RGS7: variants seen among roughly 807,000 people sequenced by gnomAD.
RGS7 encodes the protein regulator of G-protein signaling 7.
Under a neutral mutation model 81.1 loss-of-function variants are expected in RGS7, and 27 were observed. That is an observed-to-expected ratio of 0.33 (90% CI 0.25 to 0.46). The LOEUF (loss-of-function observed/expected upper bound fraction) is 0.46, where lower values mean the gene tolerates loss of function less well. Among genes scored for constraint, RGS7 ranks in the 20% least tolerant of loss-of-function variants. The pLI is 1.00. For synonymous variants in RGS7, 208 were observed against 207.7 expected, an observed-to-expected ratio of 1.00 and a Z score of -0.01; for missense variants, 396 against 607.4, an observed-to-expected ratio of 0.65 and a Z score of 3.66.
intron 2 of RGS7, among the ~76,000 whole-genome samples, chr1:241,117,760 A>T (rs901447878): frequency 6.6e-6 from 1 of 152,204 alleles, no homozygotes; most frequent in African/African-American, 2.4e-5. Flanking sequence ...GCTGCAATAT[A>T]TTTCTTATCG....
intron 2 of RGS7, among the ~76,000 whole-genome samples, chr1:241,115,410 T>C (rs1014408550): frequency 1.3e-5 from 2 of 152,210 alleles, no homozygotes; most frequent in African/African-American, 2.4e-5. Flanking sequence ...TTAAGAGCCA[T>C]GGGTATAAAA....
In RGS7 at chr1:240,908,613, T is replaced by C. The variant is rs189802915; in HGVS notation, c.385+22104A>G. ...CACTCCCTCCCTGCCAGGTAAAAGC[T>C]CCACCTAAGATAGAAGGCAACCCAG... On this transcript the variant is annotated intron_variant, in intron 6 of 18. Coordinates refer to ENST00000440928, the MANE Select transcript of RGS7 (RefSeq NM_001364886.1). Among the ~76,000 whole-genome samples the C allele has an allele frequency of 3.8e-3, 578 of 152,228 alleles. 4 individuals are homozygous for C. Among genetic ancestry groups the C allele is most frequent in the African/African-American group, 0.013 (557 of 41,542 alleles).
intron 4 of RGS7, among the ~76,000 whole-genome samples, chr1:240,947,740 G>A (rs1262154816): frequency 6.6e-6 from 1 of 152,108 alleles, no homozygotes; most frequent in Non-Finnish European, 1.5e-5. Context: ...ACATATATTA[G>A]ATCAAGTCGC....
chr1:240,924,708 T>A (rs540287024), intron 6 of RGS7, among the ~76,000 whole-genome samples: 1 of 152,166 alleles, frequency 6.6e-6, no homozygotes, highest in Admixed American at 6.5e-5. Context: ...ACATTGTAAT[T>A]AAGGTCTTTT....
intron 4 of RGS7, among the ~76,000 whole-genome samples, chr1:240,938,821 CGTGTGTGTGTGT>C (rs112229453): frequency 6.8e-6 from 1 of 146,490 alleles, no homozygotes; most frequent in Admixed American, 6.9e-5. Flanking sequence ...CAATTTTGTG[CGTGTGTGTGTGT>C]GTGTGTGTGT....
At chr1:240,781,781 G>A (rs546750946) in intron 18 of RGS7, among the ~76,000 whole-genome samples, 2 of 152,270 alleles carry the variant, frequency 1.3e-5, no homozygotes, top group East Asian at 1.9e-4. Flanking sequence ...TTGGGAGGCC[G>A]AGGCAGGTGG....
In RGS7 at chr1:240,946,664, G is replaced by C. The variant is rs575881541; in HGVS notation, c.227-9958C>G. On this transcript the variant is annotated intron_variant, in intron 4 of 18. Coordinates refer to ENST00000440928, the MANE Select transcript of RGS7 (RefSeq NM_001364886.1). ...CTCCAAGAAAATATGGTTTCATAAG[G>C]TTCTTTTAATAAAGTACATAGTGAG... 5.0e-4 allele frequency among the ~76,000 whole-genome samples: 76 copies of C among 152,206 alleles called. 1 individual carries two copies. Among genetic ancestry groups the C allele is most frequent in the Admixed American group, 1.8e-3 (27 of 15,286 alleles).
At chr1:241,214,616 A>C (rs1195201199) in intron 2 of RGS7, among the ~76,000 whole-genome samples, 1 of 152,076 alleles carries the variant, frequency 6.6e-6, no homozygotes, top group Non-Finnish European at 1.5e-5. Flanking sequence ...TCTTCTCTTC[A>C]TCAAGGACTA....
At chr1:240,835,152 T>C (rs1322777179) in intron 9 of RGS7, among the ~76,000 whole-genome samples, 1 of 152,098 alleles carries the variant, frequency 6.6e-6, no homozygotes. Context: ...TGAAAGATAC[T>C]GTCAAGAGAA....
chr1:240,957,419 C>T (rs533271025), intron 4 of RGS7, among the ~76,000 whole-genome samples: 2 of 152,312 alleles, frequency 1.3e-5, no homozygotes, highest in East Asian at 3.9e-4. Flanking sequence ...TTGCTCCTCA[C>T]CTTGCAGATG....
chr1:240,936,032 C>T (rs1419330704), intron 5 of RGS7, among the ~76,000 whole-genome samples: 1 of 152,134 alleles, frequency 6.6e-6, no homozygotes. Context: ...ACAATCATTG[C>T]CAGAAAGAAT....
chr1:240,794,157 A>T (rs1686595388), intron 18 of RGS7, among the ~76,000 whole-genome samples: 1 of 151,998 alleles, frequency 6.6e-6, no homozygotes, highest in Non-Finnish European at 1.5e-5. Context: ...TCAGTTGAGG[A>T]TCTGACTCAC....
chr1:241,190,859 G>A (rs1573053715), intron 2 of RGS7, among the ~76,000 whole-genome samples: 1 of 152,128 alleles, frequency 6.6e-6, no homozygotes, highest in Middle Eastern at 3.4e-3. Context: ...AATAAAAGTG[G>A]TGGAACCTGT....
intron 2 of RGS7, among the ~76,000 whole-genome samples, chr1:241,224,688 G>A (rs1269930821): frequency 6.6e-6 from 1 of 152,124 alleles, no homozygotes; most frequent in Non-Finnish European, 1.5e-5. Context: ...AGTACATATA[G>A]TGGATAGAGT....
At chr1:240,929,217 T>C (rs1434979677) in intron 6 of RGS7, among the ~76,000 whole-genome samples, 1 of 152,198 alleles carries the variant, frequency 6.6e-6, no homozygotes, top group East Asian at 1.9e-4. Flanking sequence ...GAGCTCCCTC[T>C]TAGCTGTTCC....
intron 2 of RGS7, among the ~76,000 whole-genome samples, chr1:241,314,181 G>A (rs980664109): frequency 6.6e-6 from 1 of 152,194 alleles, no homozygotes; most frequent in Non-Finnish European, 1.5e-5. Flanking sequence ...TCCTTCTGTG[G>A]ATAAAATGCT....
At chr1:241,053,076 C>A (rs1283983621) in intron 3 of RGS7, among the ~76,000 whole-genome samples, 1 of 152,132 alleles carries the variant, frequency 6.6e-6, no homozygotes, top group African/African-American at 2.4e-5. Context: ...TCTTGACATA[C>A]ATTTAGACTT....
At chr1:241,128,501 C>T (rs2103027479) in intron 2 of RGS7, among the ~76,000 whole-genome samples, 2 of 151,768 alleles carry the variant, frequency 1.3e-5, no homozygotes, top group African/African-American at 4.8e-5. Flanking sequence ...GCTCGAGAAA[C>T]GCTTGAACCC....
chr1:240,959,281 A>C (rs1474495375), intron 4 of RGS7, among the ~76,000 whole-genome samples: 1 of 152,206 alleles, frequency 6.6e-6, no homozygotes, highest in Non-Finnish European at 1.5e-5. Flanking sequence ...CTCATGCATG[A>C]GAGATGCATC....
Sources: allele counts gnomAD v4.1 joint callset (sites outside exome capture counted in the v4.1 genomes callset), GRCh38; gene constraint gnomAD v4.1.1; transcripts MANE v1.5; gene names NCBI Gene and HGNC (gene_info 2026-07-23, HGNC 2026-07-21).